Variants in AGO3 observed in about 807,000 individuals in gnomAD.
The protein encoded by AGO3 is argonaute RISC catalytic component 3, also known as protein argonaute-3.
In AGO3, 16 loss-of-function variants were observed where a neutral mutation model predicts 105.5. The observed-to-expected ratio is 0.15, with a 90% CI of 0.10 to 0.23. The LOEUF is 0.23. AGO3 is among the 10% of genes least tolerant of loss of function. The probability of loss-of-function intolerance (pLI) is 1.00; values close to 1 mark genes in which losing one functional copy is unlikely to be tolerated. For synonymous variants in AGO3, 340 were observed against 367.3 expected (o/e 0.93, Z 0.85); for missense variants, 534 against 1,088.0 (o/e 0.49, Z 7.16).
chr1:36,010,601 C>CA (rs1251742764), intron 9 of AGO3, among the ~76,000 whole-genome samples: 270 of 92,064 alleles, frequency 2.9e-3, no homozygotes, highest in Middle Eastern at 8.1e-3. Flanking sequence ...GACTCTGTCT[C>CA]AAAAAAAAAA....
rs556196310 is a variant in AGO3 at position 36,014,285 on chromosome 1, A to G, written c.1406+237A>G. Reference sequence around the variant, plus strand: ...GCAATTCTCCTGCCTCAGCCTCCCAAGTAGCTGGGATTACAGGTGTGTGCC... The same window carrying G: ...GCAATTCTCCTGCCTCAGCCTCCCAGGTAGCTGGGATTACAGGTGTGTGCC... On this transcript the variant is annotated intron_variant, in intron 11 of 18. Coordinates refer to ENST00000373191, the MANE Select transcript of AGO3 (RefSeq NM_024852.4). Among the ~76,000 whole-genome samples, 56 of 151,982 alleles carry G rather than the reference A, an allele frequency of 3.7e-4. 1 individual carries two copies. The highest frequency in any genetic ancestry group is 7.9e-4 in the Admixed American group (12 of 15,274).
chr1:36,024,702 GA>G (rs1156805446), intron 11 of AGO3, among the ~76,000 whole-genome samples: 1 of 151,906 alleles, frequency 6.6e-6, no homozygotes, highest in Non-Finnish European at 1.5e-5. Context: ...TTATTTTATT[GA>G]GACAGAGTCT....
At chr1:36,037,745 T>C (rs1642075150) in intron 14 of AGO3, among the ~76,000 whole-genome samples, 1 of 152,208 alleles carries the variant, frequency 6.6e-6, no homozygotes, top group Admixed American at 6.6e-5. Flanking sequence ...TTATTTTCTT[T>C]AAATGTTCAG....
intron 6 of AGO3, 46 bp downstream of exon 6, chr1:36,004,521 A>G (rs772764459): frequency 2.0e-6 from 3 of 1,475,192 alleles, no homozygotes; most frequent in South Asian, 1.5e-5. Flanking sequence ...AAATGCATGG[A>G]TATAACAACC....
At chr1:35,931,928 T>TA (rs1397044688) in intron 1 of AGO3, among the ~76,000 whole-genome samples, 2 of 152,354 alleles carry the variant, frequency 1.3e-5, no homozygotes, top group African/African-American at 4.8e-5. Context: ...GCATTGCTCC[T>TA]ACCCTCGAGT....
intron 2 of AGO3, among the ~76,000 whole-genome samples, chr1:35,950,256 A>T (rs1256785945): frequency 1.3e-5 from 2 of 152,208 alleles, no homozygotes; most frequent in Non-Finnish European, 2.9e-5. Flanking sequence ...CCTTCTATAA[A>T]GTCATAGTGA....
chr1:36,010,403 G>A (rs954093651), intron 9 of AGO3, among the ~76,000 whole-genome samples: 5 of 151,812 alleles, frequency 3.3e-5, no homozygotes, highest in African/African-American at 1.2e-4. Flanking sequence ...CAGGAATTTG[G>A]GACCAGCCTG....
chr1:35,954,498 T>G (rs1646529872), intron 2 of AGO3, among the ~76,000 whole-genome samples: 1 of 152,220 alleles, frequency 6.6e-6, no homozygotes, highest in African/African-American at 2.4e-5. Context: ...TTAGGTTAAC[T>G]TAAATCTATT....
chr1:36,021,810 A>C (rs570458396), intron 11 of AGO3, among the ~76,000 whole-genome samples: 1 of 152,270 alleles, frequency 6.6e-6, no homozygotes, highest in South Asian at 2.1e-4. Context: ...GATAGAGAGG[A>C]GACTCAATTT....
chr1:36,033,135 C>CA (rs1488565898), intron 12 of AGO3, among the ~76,000 whole-genome samples: 1 of 150,118 alleles, frequency 6.7e-6, no homozygotes, highest in Non-Finnish European at 1.5e-5. Flanking sequence ...ACTCTTATCT[C>CA]AAAAATAAAA....
chr1:35,972,114 C>A lies in AGO3; in HGVS notation c.403C>A (p.Leu135Ile), dbSNP rs1646880439. 1 of 1,613,996 alleles carries A rather than the reference C, an allele frequency of 6.2e-7. No individual in the cohort carries two copies. Among genetic ancestry groups the A allele is most frequent in the Admixed American group, 1.7e-5 (1 of 59,990 alleles). The change falls in exon 4 of 19, where the codon CTA (leucine) becomes ATA (isoleucine). Residue 135 changes from leucine to isoleucine, a missense_variant. By Grantham distance (5) the Leu-to-Ile change is conservative. Transcript: ENST00000373191. ...ATTTGTCTCTCGGGTGAGTTGGCACCTACTGCATGAAGTACTGACAGGACG... is the reference window on the plus strand; with the variant it reads ...ATTTGTCTCTCGGGTGAGTTGGCACATACTGCATGAAGTACTGACAGGACG... ...IKFVSRVSWH[L>I]LHEVLTGRTL...
intron 1 of AGO3, among the ~76,000 whole-genome samples, chr1:35,943,208 A>G (rs903362151): frequency 2.0e-5 from 3 of 151,324 alleles, no homozygotes; most frequent in Admixed American, 2.0e-4. Flanking sequence ...ATGTTTCACC[A>G]TGTTGGCCAG....
intron 6 of AGO3, among the ~76,000 whole-genome samples, chr1:36,006,653 T>G (rs1180036932): frequency 1.3e-5 from 2 of 152,162 alleles, no homozygotes; most frequent in Non-Finnish European, 2.9e-5. Flanking sequence ...TCGATAGTAT[T>G]TTATTTTCTA....
chr1:36,036,698 AT>A (rs1037973456), intron 14 of AGO3, among the ~76,000 whole-genome samples: 8 of 151,746 alleles, frequency 5.3e-5, no homozygotes, highest in Admixed American at 4.6e-4. Context: ...ATTTTATTTT[AT>A]TTTATTTATT....
At chr1:35,977,613 A>G (rs685370) in intron 5 of AGO3, among the ~76,000 whole-genome samples, 38,243 of 151,904 alleles carry the variant, frequency 0.25, 8,120 homozygotes, top group East Asian at 0.69. Flanking sequence ...GGCTGGTCTC[A>G]AACTCCTGGT....
At chr1:35,989,861 A>G (rs1647450992) in intron 5 of AGO3, among the ~76,000 whole-genome samples, 2 of 152,024 alleles carry the variant, frequency 1.3e-5, no homozygotes, top group African/African-American at 2.4e-5. Context: ...GTGACAGAAC[A>G]AGACCCTGTC....
intron 5 of AGO3, among the ~76,000 whole-genome samples, chr1:35,988,852 C>T (rs890451700): frequency 1.3e-5 from 2 of 152,038 alleles, no homozygotes; most frequent in Non-Finnish European, 2.9e-5. Context: ...GAGGAACCTC[C>T]ATACTGTTTT....
At chr1:36,004,692 C>T (rs1388417835) in intron 6 of AGO3, among the ~76,000 whole-genome samples, 1 of 152,054 alleles carries the variant, frequency 6.6e-6, no homozygotes, top group Non-Finnish European at 1.5e-5. Flanking sequence ...TCACTACCAG[C>T]TAATTTTTTG....
intron 2 of AGO3, among the ~76,000 whole-genome samples, chr1:35,965,991 A>G (rs1268001479): frequency 2.0e-5 from 3 of 151,846 alleles, no homozygotes; most frequent in Non-Finnish European, 4.4e-5. Flanking sequence ...GTACCCGGCT[A>G]ATTTTGAATT....
Sources: allele counts gnomAD v4.1 joint callset (sites outside exome capture counted in the v4.1 genomes callset), GRCh38; gene constraint gnomAD v4.1.1; transcripts MANE v1.5; gene names NCBI Gene and HGNC (gene_info 2026-07-23, HGNC 2026-07-21).